Variants in CALN1 observed in about 807,000 individuals in gnomAD.
The protein encoded by CALN1 is calcium-binding protein 8.
Under a neutral mutation model 30.6 loss-of-function variants are expected in CALN1, and 17 were observed. The ratio of observed to expected loss-of-function variants is 0.56; its 90% confidence interval spans 0.38 to 0.83. The LOEUF is 0.83. Among genes scored for constraint, CALN1 ranks in the 40% least tolerant of loss-of-function variants. The pLI, the probability that CALN1 is intolerant of heterozygous loss-of-function variation, is 0.00. For synonymous variants in CALN1, 156 were observed against 131.4 expected (o/e 1.19, Z -1.28); for missense variants, 291 against 354.9 (o/e 0.82, Z 1.45).
chr7:71,811,740 G>A (rs920800232), intron 5 of CALN1, among the ~76,000 whole-genome samples: 2 of 150,028 alleles, frequency 1.3e-5, no homozygotes, highest in Admixed American at 6.7e-5. Flanking sequence ...GTGCAGTGGC[G>A]CGATCTCGGC....
chr7:72,369,241 T>C (rs938994947), intron 2 of CALN1, among the ~76,000 whole-genome samples: 4 of 150,904 alleles, frequency 2.7e-5, no homozygotes, highest in African/African-American at 4.9e-5. Context: ...ATCGCCACAA[T>C]CAACATGGTA....
chr7:72,335,062 A>T (rs1327418598), intron 2 of CALN1, among the ~76,000 whole-genome samples: 1 of 152,214 alleles, frequency 6.6e-6, no homozygotes, highest in Non-Finnish European at 1.5e-5. Flanking sequence ...GGGCGTGGTG[A>T]CAGAACCACA....
intron 4 of CALN1, among the ~76,000 whole-genome samples, chr7:72,071,228 G>A (rs912780186): frequency 6.6e-6 from 1 of 152,082 alleles, no homozygotes; most frequent in East Asian, 1.9e-4. Context: ...CAGGAATCAG[G>A]TTGGGCAAAA....
At chr7:72,136,553 G>A (rs1412447215) in intron 3 of CALN1, among the ~76,000 whole-genome samples, 2 of 152,220 alleles carry the variant, frequency 1.3e-5, no homozygotes, top group Non-Finnish European at 2.9e-5. Context: ...GTCCACTAGA[G>A]TGGCACTTTT....
chr7:72,261,874 A>AT (rs1460259375), intron 3 of CALN1, among the ~76,000 whole-genome samples: 1 of 152,218 alleles, frequency 6.6e-6, no homozygotes, highest in Non-Finnish European at 1.5e-5. Context: ...ATGGCCTTGA[A>AT]TGTTAACCAG....
At chr7:71,971,840 T>C (rs772306701) in intron 5 of CALN1, among the ~76,000 whole-genome samples, 9 of 149,484 alleles carry the variant, frequency 6.0e-5, no homozygotes, top group Non-Finnish European at 8.9e-5. Context: ...TGAGGCTGCA[T>C]TGAGCTGTGA....
intron 3 of CALN1, among the ~76,000 whole-genome samples, chr7:72,209,290 C>CTCCTTCCCTCCT (rs1792172177): frequency 1.2e-5 from 1 of 82,796 alleles, no homozygotes; most frequent in Non-Finnish European, 2.1e-5. Context: ...CTTTCCTTCC[C>CTCCTTCCCTCCT]TCCTTCCCTC....
intron 1 of CALN1, among the ~76,000 whole-genome samples, chr7:72,419,050 C>A (rs762128714): frequency 1.3e-5 from 2 of 152,010 alleles, no homozygotes; most frequent in African/African-American, 2.4e-5. Context: ...GACCTCTACC[C>A]ATTGAAAAGC....
chr7:72,023,311 C>T (rs1800814066), intron 5 of CALN1, among the ~76,000 whole-genome samples: 1 of 152,184 alleles, frequency 6.6e-6, no homozygotes, highest in Non-Finnish European at 1.5e-5. Flanking sequence ...ATGCCATTCT[C>T]TCAGCAAAGA....
intron 3 of CALN1, among the ~76,000 whole-genome samples, chr7:72,181,677 A>G (rs1789818269): frequency 6.6e-6 from 1 of 152,110 alleles, no homozygotes; most frequent in Non-Finnish European, 1.5e-5. Context: ...TGGTTTCGCC[A>G]TGTTGGCCAG....
chr7:72,336,944 C>T, intron 2 of CALN1: 10 of 985,146 alleles, frequency 1.0e-5, no homozygotes, highest in Non-Finnish European at 1.2e-5. Flanking sequence ...CCTGCACGAG[C>T]CCCCTCGTCG....
chr7:71,867,486 G>A (rs1217047976), intron 5 of CALN1, among the ~76,000 whole-genome samples: 15 of 151,906 alleles, frequency 9.9e-5, no homozygotes, highest in Non-Finnish European at 1.5e-5. Flanking sequence ...CCAGGCTGGA[G>A]TGCAGCGGTG....
intron 3 of CALN1, among the ~76,000 whole-genome samples, chr7:72,113,571 G>A (rs1455093632): frequency 6.6e-6 from 1 of 152,324 alleles, no homozygotes; most frequent in South Asian, 2.1e-4. Flanking sequence ...CGCAGGCCAG[G>A]GGTTGGCAAA....
At chr7:72,387,532 T>C (rs1805308031) in intron 2 of CALN1, among the ~76,000 whole-genome samples, 2 of 152,094 alleles carry the variant, frequency 1.3e-5, no homozygotes, top group Admixed American at 1.3e-4. Flanking sequence ...GTGACAGTCA[T>C]GTTGACAGTG....
At chr7:72,022,990 T>A (rs1800795708) in intron 5 of CALN1, among the ~76,000 whole-genome samples, 1 of 150,946 alleles carries the variant, frequency 6.6e-6, no homozygotes, top group Non-Finnish European at 1.5e-5. Flanking sequence ...TTTACGTGTC[T>A]AACTGGTAAT....
intron 5 of CALN1, among the ~76,000 whole-genome samples, chr7:71,869,306 G>A (rs573366591): frequency 1.3e-5 from 2 of 152,166 alleles, no homozygotes; most frequent in South Asian, 2.1e-4. Context: ...TGCCTCCCAG[G>A]TTCAAGGGAT....
chr7:71,899,282 T>G (rs1055315292), intron 5 of CALN1, among the ~76,000 whole-genome samples: 1 of 152,018 alleles, frequency 6.6e-6, no homozygotes, highest in Non-Finnish European at 1.5e-5. Context: ...CAGCTGGGAT[T>G]ACAGGCATGT....
rs557256620 is a variant in CALN1, at chr7:71,866,553, A to G, written c.502-56061T>C. Among the ~76,000 whole-genome samples the G allele has an allele frequency of 5.3e-5, 8 of 152,284 alleles. No individual in the cohort carries two copies. The South Asian group carries it at 1.7e-3, about 32-fold the overall frequency. ...GATAGATATTGGAAAGAGATTTTAT[A>G]AAATGCAATATTTGGTTTTGAATTG... On this transcript the variant is annotated intron_variant, in intron 5 of 6. Coordinates refer to ENST00000395275, the MANE Select transcript of CALN1 (RefSeq NM_031468.4).
rs150968876 is a variant in CALN1 at position 72,113,065 on chromosome 7, G to A, written c.245-6771C>T. 2.2e-3 allele frequency among the ~76,000 whole-genome samples: 338 copies of A among 152,250 alleles called. 1 individual carries two copies. The highest frequency in any genetic ancestry group is 3.6e-3 in the Non-Finnish European group (246 of 68,024). On this transcript the variant is annotated intron_variant, in intron 3 of 6. Coordinates refer to ENST00000395275, the MANE Select transcript of CALN1 (RefSeq NM_031468.4). ...AGAAACACTGAGAGATGAGAGTGGAGAATTGCACTAGGGCGATGCTATAGT... is the reference window on the plus strand; with the variant it reads ...AGAAACACTGAGAGATGAGAGTGGAAAATTGCACTAGGGCGATGCTATAGT...
Sources: gnomAD v4.1 joint callset for allele counts (sites outside exome capture counted in the v4.1 genomes callset) on GRCh38, gnomAD v4.1.1 for gene constraint, MANE v1.5 for transcripts, NCBI Gene and HGNC (gene_info 2026-07-23, HGNC 2026-07-21) for gene names.